Variants in NAV2 observed in about 807,000 individuals in gnomAD.
NAV2 encodes helicase, APC down-regulated 1.
A neutral mutation model predicts 223.2 loss-of-function variants in NAV2; 54 were observed. The ratio of observed to expected loss-of-function variants is 0.24; its 90% CI spans 0.19 to 0.30. The LOEUF (loss-of-function observed/expected upper bound fraction) is 0.30. Among genes scored for constraint, NAV2 ranks in the 10% least tolerant of loss-of-function variants. The pLI is 1.00. For synonymous variants in NAV2, 1,279 were observed against 1,239.3 expected (o/e 1.03, Z -0.67); for missense variants, 2,806 against 3,147.5 (o/e 0.89, Z 2.60).
chr11:19,826,477 A>T lies in NAV2; in HGVS notation c.268-6007A>T, dbSNP rs987949602. Among the ~76,000 whole-genome samples, 6 of 152,226 alleles carry T rather than the reference A, an allele frequency of 3.9e-5. No individual in the cohort carries two copies. In the East Asian group the frequency reaches 1.2e-3, roughly 29 times the overall value. On this transcript the variant is annotated intron_variant, in intron 1 of 37. Coordinates refer to ENST00000349880, the MANE Select transcript of NAV2 (RefSeq NM_145117.5). ...TCTATCTTTGATGACTAAAGAAATT[A>T]TAAGTTTATTTTTCAAGGGTACCCC...
intron 31 of NAV2, among the ~76,000 whole-genome samples, chr11:20,100,546 G>GGTGT (rs59857072): frequency 0.017 from 2,448 of 141,814 alleles, 68 homozygotes; most frequent in East Asian, 0.12. Context: ...ATACTAGAGG[G>GGTGT]GTGTGTGTGT....
At chr11:19,963,512 C>T (rs2048513674) in intron 10 of NAV2, among the ~76,000 whole-genome samples, 1 of 151,980 alleles carries the variant, frequency 6.6e-6, no homozygotes, top group South Asian at 2.1e-4. Flanking sequence ...CTCCCAGTGC[C>T]ATTTGAAGGA....
chr11:19,568,673 C>G (rs2045339950), intron 1 of NAV2, among the ~76,000 whole-genome samples: 1 of 152,114 alleles, frequency 6.6e-6, no homozygotes, highest in Admixed American at 6.5e-5. Flanking sequence ...TCTTTAGTCC[C>G]CCATTGAAGG....
At chr11:19,570,364 C>G (rs1027508174) in intron 1 of NAV2, among the ~76,000 whole-genome samples, 2 of 152,124 alleles carry the variant, frequency 1.3e-5, no homozygotes, top group African/African-American at 4.8e-5. Context: ...TAGGATAAAA[C>G]CTAGAGGTAA....
chr11:19,761,055 G>T (rs952482821), intron 1 of NAV2, among the ~76,000 whole-genome samples: 5 of 152,212 alleles, frequency 3.3e-5, no homozygotes, highest in African/African-American at 1.2e-4. Flanking sequence ...CCTTTGTTGA[G>T]ATGGAGGCCA....
chr11:19,348,780 G>A (rs1248818340), upstream of NAV2, among the ~76,000 whole-genome samples: 1 of 152,196 alleles, frequency 6.6e-6, no homozygotes, highest in Non-Finnish European at 1.5e-5. Context: ...CTTTATAGAT[G>A]AGAAAACTGA....
chr11:19,473,057 C>G (rs1229577701), intron 1 of NAV2, among the ~76,000 whole-genome samples: 2 of 152,166 alleles, frequency 1.3e-5, no homozygotes, highest in Admixed American at 6.5e-5. Context: ...TGGATGGAGC[C>G]CAGGTTCCAG....
Position 19,394,423 on chromosome 11 carries a change from C to T in NAV2, c.75+43396C>T, listed in dbSNP as rs533140057. Among the ~76,000 whole-genome samples the T allele has an allele frequency of 5.9e-5, 9 of 152,302 alleles. No individual in the cohort carries two copies. The South Asian group carries it at 1.7e-3, about 28-fold the overall frequency. On this transcript the variant is annotated intron_variant, in intron 1 of 37. Transcript: ENST00000360655. Reference sequence around the variant, plus strand: ...GTTTCTTTAGCCAATATTTTCTGGACACTTACTATATTCCAGGCATACCCA... The same window carrying T: ...GTTTCTTTAGCCAATATTTTCTGGATACTTACTATATTCCAGGCATACCCA...
intron 1 of NAV2, among the ~76,000 whole-genome samples, chr11:19,586,709 C>T (rs1237892376): frequency 6.6e-6 from 1 of 152,224 alleles, no homozygotes; most frequent in East Asian, 1.9e-4. Context: ...TGCAGAACAG[C>T]AAATGTTGCT....
intron 1 of NAV2, among the ~76,000 whole-genome samples, chr11:19,429,299 G>A (rs1352063423): frequency 6.6e-6 from 1 of 152,198 alleles, no homozygotes; most frequent in East Asian, 1.9e-4. Context: ...ACGGCCAAGG[G>A]GGCCAGGACC....
chr11:19,557,511 G>T (rs747301914), intron 1 of NAV2, among the ~76,000 whole-genome samples: 2 of 152,214 alleles, frequency 1.3e-5, no homozygotes, highest in African/African-American at 2.4e-5. Context: ...ATGGACAATC[G>T]ATGGTACTCT....
intron 27 of NAV2, among the ~76,000 whole-genome samples, chr11:20,091,971 G>A (rs1339105458): frequency 6.6e-6 from 1 of 152,154 alleles, no homozygotes; most frequent in African/African-American, 2.4e-5. Context: ...ACTCTGGGAA[G>A]CATTTCAGAG....
At chr11:19,488,922 C>T (rs541633942) in intron 1 of NAV2, among the ~76,000 whole-genome samples, 3 of 152,310 alleles carry the variant, frequency 2.0e-5, no homozygotes, top group Admixed American at 2.0e-4. Context: ...GTCTGTCCTG[C>T]TTTCTTTGGG....
intron 1 of NAV2, among the ~76,000 whole-genome samples, chr11:19,390,859 C>T (rs575071415): frequency 1.6e-3 from 247 of 152,218 alleles, no homozygotes; most frequent in Non-Finnish European, 2.2e-3. Context: ...GGAAAGGCTG[C>T]CATTTATTGT....
intron 1 of NAV2, among the ~76,000 whole-genome samples, chr11:19,681,719 G>A (rs1490769044): frequency 6.6e-6 from 1 of 152,158 alleles, no homozygotes; most frequent in African/African-American, 2.4e-5. Flanking sequence ...TCTCTATACA[G>A]AACATGTATT....
rs962353274 is a variant in NAV2, at chr11:19,429,236, T to C, written c.75+78209T>C. On this transcript the variant is annotated intron_variant, in intron 1 of 37. Coordinates refer to the NAV2 transcript ENST00000360655. ...ATAGTTCCTGGAGCAGGGCTGGTAC[T>C]CTGTGAATTGAAAACTTGTGCCAAT... Among the ~76,000 whole-genome samples the C allele has an allele frequency of 3.9e-4, 60 of 152,202 alleles. 1 individual carries two copies. Among genetic ancestry groups the C allele is most frequent in the African/African-American group, 1.4e-3 (58 of 41,454 alleles).
chr11:19,928,176 C>A (rs1239204608), intron 6 of NAV2, among the ~76,000 whole-genome samples: 1 of 151,510 alleles, frequency 6.6e-6, no homozygotes, highest in Non-Finnish European at 1.5e-5. Flanking sequence ...AAAATTTCTG[C>A]GTGATTTTTG....
chr11:19,709,546 C>CAAAAAAAAA (rs3043492), upstream of NAV2, among the ~76,000 whole-genome samples: 20 of 63,110 alleles, frequency 3.2e-4, no homozygotes, highest in African/African-American at 6.4e-4. Context: ...GACTCCGTCT[C>CAAAAAAAAA]AAAAAAAAAA....
Position 19,770,954 on chromosome 11 carries a change from T to G in NAV2, c.267+56992T>G, listed in dbSNP as rs1426801643. On this transcript the variant is annotated intron_variant, in intron 1 of 37. Coordinates refer to ENST00000349880, the MANE Select transcript of NAV2 (RefSeq NM_145117.5). ...ACTCAAGATGCCTGTATGCCTAGTA[T>G]TTTTGGCTTCCCGTTTCAGTGCAGT... 2.0e-5 allele frequency among the ~76,000 whole-genome samples: 3 copies of G among 152,314 alleles called. No homozygotes were observed. In the East Asian group the frequency reaches 5.8e-4, roughly 29 times the overall value.
Sources: gnomAD v4.1 joint callset for allele counts (sites outside exome capture counted in the v4.1 genomes callset) on GRCh38, gnomAD v4.1.1 for gene constraint, MANE v1.5 for transcripts, NCBI Gene and HGNC (gene_info 2026-07-23, HGNC 2026-07-21) for gene names.